Variants in PADI6 observed in about 807,000 individuals in gnomAD.
The protein encoded by PADI6 is peptidyl arginine deiminase 6.
Under a neutral mutation model 78.2 loss-of-function variants are expected in PADI6, and 66 were observed. The ratio of observed to expected loss-of-function variants is 0.84; its 90% confidence interval spans 0.69 to 1.04. PADI6 has a LOEUF of 1.04. Among genes scored for constraint, PADI6 ranks in the 50% least tolerant of loss-of-function variants. The probability of loss-of-function intolerance (pLI) is 0.00; values close to 1 mark genes in which losing one functional copy is unlikely to be tolerated. For missense variants in PADI6, 854 were observed against 866.1 expected (o/e 0.99, Z 0.18); for synonymous variants, 397 against 346.9 (o/e 1.14, Z -1.60).
intron 3 of PADI6, among the ~76,000 whole-genome samples, chr1:17,378,128 G>T (rs2075036624): frequency 6.6e-6 from 1 of 151,982 alleles, no homozygotes; most frequent in African/African-American, 2.4e-5. Context: ...CCTCCTTTAG[G>T]TCTCTTTTCA....
At chr1:17,386,817 A>T (rs1031978821) in intron 6 of PADI6, among the ~76,000 whole-genome samples, 7 of 152,202 alleles carry the variant, frequency 4.6e-5, no homozygotes, top group Non-Finnish European at 8.8e-5. Context: ...AACCCAGAGC[A>T]AGAGGCCGAG....
At chr1:17,395,219 G>C in intron 12 of PADI6, 112 bp downstream of exon 12, 1 of 1,330,846 alleles carries the variant, frequency 7.5e-7, no homozygotes, top group Non-Finnish European at 1.0e-6. Flanking sequence ...TTTTTTGTTT[G>C]TTTTTTGAGA....
At chr1:17,396,465 T>C (rs2100324186) in intron 13 of PADI6, among the ~76,000 whole-genome samples, 1 of 152,290 alleles carries the variant, frequency 6.6e-6, no homozygotes, top group African/African-American at 2.4e-5. Flanking sequence ...CTCAAAGTGT[T>C]ATCTGAGGGC....
rs868466153 is a variant in PADI6, at chr1:17,388,388, C to A, written c.687C>A (p.Asn229Lys). Residue 229 changes from asparagine to lysine, a missense_variant, in exon 7 of 16, where the codon AAC becomes AAA. By Grantham distance (94) the Asn-to-Lys change is moderately conservative. Transcript: ENST00000619609. ...CCCTTCTTTCTCTCCTAGAAGACAA[C>A]TCCAGTACCTTTGAGTTGGTGCTGG... Reference protein sequence around the residue: ...KARVYWPQKDNSSTFELVLGP... With the variant: ...KARVYWPQKDKSSTFELVLGP... 1.2e-6 allele frequency: 2 copies of A among 1,611,676 alleles called. No homozygotes were observed. Among genetic ancestry groups the A allele is most frequent in the Non-Finnish European group, 1.7e-6 (2 of 1,178,930 alleles).
At chr1:17,374,750 AC>A (rs1436225440) in intron 2 of PADI6, among the ~76,000 whole-genome samples, 4 of 152,128 alleles carry the variant, frequency 2.6e-5, no homozygotes, top group Non-Finnish European at 4.4e-5. Flanking sequence ...CCAACAAAGA[AC>A]CTTGAACTTA....
chr1:17,397,225 AG>A, intron 14 of PADI6, 84 bp downstream of exon 14: 1 of 1,487,712 alleles, frequency 6.7e-7, no homozygotes, highest in Non-Finnish European at 9.3e-7. Context: ...ACCCCTCCTG[AG>A]GGGTGAAGTG....
Position 17,395,668 on chromosome 1 carries a change from G to A in PADI6, c.1618+5G>A. 6.2e-7 allele frequency: 1 copy of A among 1,609,762 alleles called. No homozygotes were observed. The highest frequency in any genetic ancestry group is 8.5e-7 in the Non-Finnish European group (1 of 1,177,448). On this transcript the variant is annotated splice_donor_5th_base_variant and intron_variant, in intron 13 of 15. Coordinates refer to ENST00000619609, the MANE Select transcript of PADI6 (RefSeq NM_207421.4). Reference sequence around the variant, plus strand: ...CAGATCAGCTCCTGTCTAATGGTAAGGGAACTCCCTTTCCACAGAACAGAA... The same window carrying A: ...CAGATCAGCTCCTGTCTAATGGTAAAGGAACTCCCTTTCCACAGAACAGAA...
intron 3 of PADI6, among the ~76,000 whole-genome samples, chr1:17,379,001 G>A (rs1417958279): frequency 6.6e-6 from 1 of 151,672 alleles, no homozygotes; most frequent in East Asian, 1.9e-4. Flanking sequence ...CTAGAGTGCA[G>A]TGGTCTGATC....
chr1:17,373,903 T>G (rs974118813), intron 2 of PADI6, among the ~76,000 whole-genome samples: 2 of 152,126 alleles, frequency 1.3e-5, no homozygotes, highest in African/African-American at 4.8e-5. Context: ...CAAGGGTGTA[T>G]TCTCCCCTGG....
Position 17,395,617 on chromosome 1 carries a change from C to T in PADI6, c.1572C>T (p.Asp524=), listed in dbSNP as rs2477149. The stretch of plus-strand genomic sequence containing the variant: ...AGAAACAGAAGGAAGGCTATGGCGA[C>T]GCTCTTCTGTTTGATGAGCTTAGAG... ...FREKQKEGYG[D]ALLFDELRAD... The change falls in exon 13 of 16, where the codon GAC becomes GAT. Residue 524 remains aspartate, a synonymous_variant. Transcript: ENST00000619609. 2.2e-4 allele frequency: 359 copies of T among 1,608,164 alleles called. No homozygotes were observed. The highest frequency in any genetic ancestry group is 2.2e-3 in the African/African-American group (163 of 74,992).
chr1:17,373,052 C>G lies in PADI6; in HGVS notation c.117-4C>G, dbSNP rs1241432142. ...TGACGCGTGTCTCTTACCGGGCAAA[C>G]CAGGTGTGCCCCCCAGAAGTGCCAG... On this transcript the variant is annotated splice_region_variant and splice_polypyrimidine_tract_variant and intron_variant, in intron 1 of 15. Transcript: ENST00000619609. 6 of 1,612,720 alleles carry G rather than the reference C, an allele frequency of 3.7e-6. No individual in the cohort carries two copies. The East Asian group carries it at 1.1e-4, about 30-fold the overall frequency.
At chr1:17,390,260 C>T (rs12068882) in intron 8 of PADI6, among the ~76,000 whole-genome samples, 3,185 of 152,068 alleles carry the variant, frequency 0.021, 126 homozygotes, top group African/African-American at 0.073. Flanking sequence ...GAAATAGCCC[C>T]ACTGCACTGC....
rs115735231 is a variant in PADI6, at chr1:17,388,475, C to T, written c.774C>T (p.Tyr258=). ...GGAACCACTTGAAGGAGACTTTCTACGTTGAAGCTATAGCATTCCCATCTG... is the reference window on the plus strand; with the variant it reads ...GGAACCACTTGAAGGAGACTTTCTATGTTGAAGCTATAGCATTCCCATCTG... ...LLGNHLKETF[Y]VEAIAFPSAE... The change falls in exon 7 of 16, where the codon TAC becomes TAT. Residue 258 remains tyrosine (Y), a synonymous_variant. Coordinates refer to ENST00000619609, the MANE Select transcript of PADI6 (RefSeq NM_207421.4). 3.5e-4 allele frequency: 561 copies of T among 1,613,570 alleles called. No individual in the cohort carries two copies. Among genetic ancestry groups the T allele is most frequent in the East Asian group, 4.9e-4 (22 of 44,882 alleles).
chr1:17,385,079 G>C (rs1469835946), intron 6 of PADI6, among the ~76,000 whole-genome samples: 1 of 152,158 alleles, frequency 6.6e-6, no homozygotes, highest in Admixed American at 6.5e-5. Flanking sequence ...TTCTAAACAG[G>C]CTGGGCGTGG....
Position 17,380,069 on chromosome 1 carries a change from C to T in PADI6, c.435+82C>T, listed in dbSNP as rs1035362308. On this transcript the variant is annotated intron_variant, in intron 4 of 15. Transcript: ENST00000619609. The stretch of plus-strand genomic sequence containing the variant: ...CAGGCTCACTTGATCTGACCTTCCT[C>T]GTGTCTAGCCCAATTGCTGTGACAT... The T allele has an allele frequency of 9.4e-6, 13 of 1,379,890 alleles. No homozygotes were observed. The African/African-American group carries it at 1.0e-4, about 11-fold the overall frequency. 85.5% of individuals were successfully genotyped at this position (1,379,890 alleles called of 1,614,324 possible).
At position 17,373,121 on chromosome 1, in the gene PADI6, C is replaced by T. The variant is rs750309060; in HGVS notation, c.182C>T (p.Ala61Val). The T allele has an allele frequency of 1.2e-6, 2 of 1,613,966 alleles. No homozygotes were observed. The highest frequency in any genetic ancestry group is 2.2e-5 in the East Asian group (1 of 44,874). ...TCTGGGAGGGTCTTGATCGATGTGG[C>T]CAACACGGTGATTTCTGAGAAGGAG... ...HGSGRVLIDV[A>V]NTVISEKEDA... Residue 61 changes from alanine to valine, a missense_variant, in exon 2 of 16, where the codon GCC becomes GTC. Ala to Val is a moderately conservative substitution (Grantham distance 64). Coordinates refer to ENST00000619609, the MANE Select transcript of PADI6 (RefSeq NM_207421.4).
intron 3 of PADI6, among the ~76,000 whole-genome samples, chr1:17,377,156 T>C (rs1352126633): frequency 6.6e-6 from 1 of 152,072 alleles, no homozygotes; most frequent in African/African-American, 2.4e-5. Flanking sequence ...ATTTTTTTAT[T>C]TTATTTTTTC....
intron 6 of PADI6, among the ~76,000 whole-genome samples, chr1:17,387,506 T>C (rs2075133595): frequency 6.6e-6 from 1 of 151,958 alleles, no homozygotes; most frequent in African/African-American, 2.4e-5. Flanking sequence ...CCCAGCACTT[T>C]GGGAGGTCCG....
intron 6 of PADI6, among the ~76,000 whole-genome samples, chr1:17,382,583 T>C (rs1049952172): frequency 1.3e-5 from 2 of 152,154 alleles, no homozygotes; most frequent in Non-Finnish European, 2.9e-5. Flanking sequence ...TCTTCAGCCC[T>C]CCTCTCCTGG....
Sources: allele counts gnomAD v4.1 joint callset (sites outside exome capture counted in the v4.1 genomes callset), GRCh38; gene constraint gnomAD v4.1.1; transcripts MANE v1.5; gene names NCBI Gene and HGNC (gene_info 2026-07-23, HGNC 2026-07-21).